Variants in SRP19 observed in about 807,000 individuals in gnomAD.
The protein encoded by SRP19 is signal recognition particle 19, also known as signal recognition particle 19 kDa protein.
In SRP19, 11 loss-of-function variants were observed where a neutral mutation model predicts 22.4. The observed-to-expected ratio is 0.49, with a 90% CI of 0.31 to 0.81. The LOEUF (loss-of-function observed/expected upper bound fraction) is 0.81. Among genes scored for constraint, SRP19 ranks in the 40% least tolerant of loss-of-function variants. The pLI is 0.05. For synonymous variants in SRP19, 61 were observed against 57.6 expected, an observed-to-expected ratio of 1.06 and a Z score of -0.27; for missense variants, 168 against 175.9, an observed-to-expected ratio of 0.96 and a Z score of 0.25.
chr5:112,866,711 G>A (rs892111332), intron 4 of SRP19, among the ~76,000 whole-genome samples: 5 of 152,134 alleles, frequency 3.3e-5, no homozygotes, highest in Admixed American at 6.5e-5. Flanking sequence ...ACTAAGGAGT[G>A]ACATCATATT....
At chr5:112,881,781 T>C (rs926889836) in intron 4 of SRP19, among the ~76,000 whole-genome samples, 6 of 152,134 alleles carry the variant, frequency 3.9e-5, no homozygotes, top group African/African-American at 1.4e-4. Flanking sequence ...ATTTATTTAT[T>C]TAGAGACAGG....
chr5:112,886,252 C>A (rs1040544429), intron 4 of SRP19, among the ~76,000 whole-genome samples: 2 of 152,194 alleles, frequency 1.3e-5, no homozygotes, highest in South Asian at 4.1e-4. Context: ...CATAGATAAC[C>A]CCAAGTATTG....
chr5:112,896,699 G>A (rs1768689861), downstream of SRP19: 2 of 151,964 alleles, frequency 1.3e-5, no homozygotes, highest in Admixed American at 1.3e-4. Context: ...ACTTCGGGAG[G>A]CTGAGGTGGG....
In SRP19 at chr5:112,879,640, A is replaced by AT. The variant is rs1011952832; in HGVS notation, c.302-11954dup. On this transcript the variant is annotated intron_variant, in intron 4 of 4. Transcript: ENST00000391338. ...ATGCACTCACCACCACGCCCAGCTA[A>AT]TTTTTTTTTGTATTTTTAGTAGAGA... 2.0e-4 allele frequency among the ~76,000 whole-genome samples: 30 copies of AT among 150,846 alleles called. No homozygotes were observed. The East Asian group carries it at 2.6e-3, about 13-fold the overall frequency.
chr5:112,878,740 C>T (rs2150032385), intron 4 of SRP19: 11 of 1,609,872 alleles, frequency 6.8e-6, no homozygotes, highest in Non-Finnish European at 9.3e-6. Context: ...CATCAAGCTC[C>T]AGTAGGAAGG....
At chr5:112,896,317 A>G (rs1210541767), downstream of SRP19, 1 of 152,458 alleles carries the variant, frequency 6.6e-6, no homozygotes, top group East Asian at 1.9e-4. Flanking sequence ...TGAGGTCAGG[A>G]GTTTGAGACC....
chr5:112,892,499 C>G, exon 5 of SRP19: 1 of 1,614,204 alleles, frequency 6.2e-7, no homozygotes, highest in Non-Finnish European at 8.5e-7. Context: ...GAATGCCAAG[C>G]AGCCCTTTCT....
chr5:112,864,931 CCACTAAA>C (rs1561638728), intron 4 of SRP19, 199 bp downstream of exon 4: 1 of 396,428 alleles, frequency 2.5e-6, no homozygotes, highest in Non-Finnish European at 4.5e-6. Flanking sequence ...GTAATGAGAC[CCACTAAA>C]CATTTTTCAA....
At chr5:112,892,357 C>G (rs549770313) in exon 5 of SRP19, 36 of 1,614,104 alleles carry the variant, frequency 2.2e-5, no homozygotes, top group Non-Finnish European at 2.8e-5. Context: ...AACCTACCAA[C>G]AGTTCCTAGA....
chr5:112,894,667 C>A (rs1359996226), downstream of SRP19: 1 of 152,170 alleles, frequency 6.6e-6, no homozygotes, highest in Admixed American at 6.5e-5. Flanking sequence ...TGGAGAGCAG[C>A]AAGTGTTTTT....
intron 2 of SRP19, 63 bp downstream of exon 2, chr5:112,862,646 ACG>A: frequency 6.8e-7 from 1 of 1,474,722 alleles, no homozygotes; most frequent in Admixed American, 1.8e-5. Context: ...TGGTCGGGCC[ACG>A]TAATCTTGTT....
At position 112,892,228 on chromosome 5, in the gene SRP19, A is replaced by G. The variant is rs1253489938; in HGVS notation, c.*621A>G. 9 of 1,614,170 alleles carry G rather than the reference A, an allele frequency of 5.6e-6. No homozygotes were observed. In the Middle Eastern group the frequency reaches 8.2e-4, roughly 148 times the overall value. ...TGGAGACAGATGTTCACGTAAACAT[A>G]ATTTCCCAACATCTAGTCCTACCCT... On this transcript the variant is annotated 3_prime_UTR_variant, in exon 5 of 5. Coordinates refer to the SRP19 transcript ENST00000391338.
downstream of SRP19, chr5:112,893,798 G>A (rs1378100588): frequency 6.6e-6 from 1 of 152,276 alleles, no homozygotes; most frequent in Admixed American, 6.5e-5. Context: ...AAGGAAGCCA[G>A]CGCCTTGAGG....
Position 112,868,436 on chromosome 5 carries a change from T to C in SRP19, c.*899T>C. On this transcript the variant is annotated 3_prime_UTR_variant, in exon 5 of 5. Transcript: ENST00000505459. ...TGTTTTTGAGATGGAGTTTCACTCT[T>C]GTTGCCTAGGCTGGAGTGCAATGGC... 1.0e-6 allele frequency: 1 copy of C among 969,814 alleles called. No individual in the cohort carries two copies. The highest frequency in any genetic ancestry group is 1.2e-6 in the Non-Finnish European group (1 of 813,634). 60.1% of individuals were successfully genotyped at this position (969,814 alleles called of 1,614,324 possible). A position where few individuals can be genotyped will look rare whatever the true frequency, so the allele number is the denominator to read the frequency against.
intron 1 of SRP19, among the ~76,000 whole-genome samples, chr5:112,861,710 G>T (rs925535277): frequency 3.3e-5 from 5 of 152,344 alleles, no homozygotes; most frequent in Admixed American, 2.0e-4. Context: ...TAATCACAGT[G>T]TGAGAAATGT....
chr5:112,886,697 TTAAA>T (rs1407551224), intron 4 of SRP19, among the ~76,000 whole-genome samples: 5 of 152,300 alleles, frequency 3.3e-5, no homozygotes, highest in South Asian at 2.1e-4. Context: ...TACAAAAAAA[TTAAA>T]TAAACAATTA....
At chr5:112,891,700 C>T in exon 5 of SRP19, 1 of 1,613,986 alleles carries the variant, frequency 6.2e-7, no homozygotes, top group Non-Finnish European at 8.5e-7. Flanking sequence ...GAAACCAAGC[C>T]ACAAAAAGTA....
intron 4 of SRP19, among the ~76,000 whole-genome samples, chr5:112,866,238 G>T (rs428181): frequency 0.64 from 96,898 of 150,848 alleles, 31,340 homozygotes; most frequent in East Asian, 0.82. Flanking sequence ...TGCCTCAGCC[G>T]TCTGAGTAGC....
chr5:112,885,769 G>C (rs578183603), intron 4 of SRP19: 138 of 259,958 alleles, frequency 5.3e-4, no homozygotes, highest in African/African-American at 3.0e-3. Flanking sequence ...CTACATATAT[G>C]CCAAGCCCGT....
Sources: allele counts gnomAD v4.1 joint callset (sites outside exome capture counted in the v4.1 genomes callset), GRCh38; gene constraint gnomAD v4.1.1; transcripts MANE v1.5; gene names NCBI Gene and HGNC (gene_info 2026-07-23, HGNC 2026-07-21).